The following RIC8B variants were observed in gnomAD, a reference collection of about 807,000 sequenced individuals.
The protein encoded by RIC8B is chaperone Ric-8B.
In RIC8B, 16 loss-of-function variants were observed where a neutral mutation model predicts 57.5. The observed-to-expected ratio is 0.28, with a 90% CI of 0.19 to 0.42. RIC8B has a LOEUF of 0.42. RIC8B is among the 10% of genes least tolerant of loss of function. The pLI is 1.00. For missense variants in RIC8B, 481 were observed against 677.0 expected, an observed-to-expected ratio of 0.71 and a Z score of 3.21; for synonymous variants, 216 against 250.8, an observed-to-expected ratio of 0.86 and a Z score of 1.31.
At chr12:106,781,208 C>A (rs552416697) in intron 1 of RIC8B, among the ~76,000 whole-genome samples, 6 of 152,108 alleles carry the variant, frequency 3.9e-5, no homozygotes, top group Non-Finnish European at 5.9e-5. Flanking sequence ...CCTCAGCCCC[C>A]CAAAGTGTTA....
intron 3 of RIC8B, among the ~76,000 whole-genome samples, chr12:106,818,206 G>T (rs1488166211): frequency 6.6e-6 from 1 of 150,890 alleles, no homozygotes; most frequent in African/African-American, 2.4e-5. Flanking sequence ...TTGCTCTGTC[G>T]CCCAGGCTGG....
chr12:106,850,224 T>A (rs1411946422), intron 6 of RIC8B, among the ~76,000 whole-genome samples: 2 of 152,188 alleles, frequency 1.3e-5, no homozygotes, highest in Non-Finnish European at 2.9e-5. Context: ...AAAATTATCT[T>A]CCATGAAACT....
intron 4 of RIC8B, among the ~76,000 whole-genome samples, chr12:106,839,455 C>T (rs774004710): frequency 3.3e-5 from 5 of 152,286 alleles, no homozygotes; most frequent in Non-Finnish European, 7.3e-5. Flanking sequence ...ACAAATACTC[C>T]ATGATCCCAC....
chr12:106,885,911 T>C lies in RIC8B; in HGVS notation c.1579T>C (p.Leu527=). 6 of 1,610,122 alleles carry C rather than the reference T, an allele frequency of 3.7e-6. No individual in the cohort carries two copies. The highest frequency in any genetic ancestry group is 5.1e-6 in the Non-Finnish European group (6 of 1,176,976). Residue 527 remains leucine (L), a synonymous_variant, in exon 10 of 10, where the codon TTG becomes CTG. Transcript: ENST00000392837. ...TTTTATCTCTTTTTCTAGAGAGGAGTTGCTTAAACCAATGGGACTAAAACC... is the reference window on the plus strand; with the variant it reads ...TTTTATCTCTTTTTCTAGAGAGGAGCTGCTTAAACCAATGGGACTAAAACC... The part of the protein sequence containing the change: ...NMLDKLSREE[L]LKPMGLKPDG...
chr12:106,874,355 T>C (rs1446610612), intron 9 of RIC8B: 10 of 730,788 alleles, frequency 1.4e-5, no homozygotes, highest in Non-Finnish European at 2.4e-5. Flanking sequence ...TCTGATTAAC[T>C]TTCCTTCTCA....
chr12:106,790,792 A>G (rs1461799527), intron 2 of RIC8B, among the ~76,000 whole-genome samples: 2 of 152,200 alleles, frequency 1.3e-5, no homozygotes, highest in East Asian at 1.9e-4. Flanking sequence ...GGAAAATTTC[A>G]GTTGTCTGAG....
intron 4 of RIC8B, among the ~76,000 whole-genome samples, chr12:106,837,890 C>T (rs2046689054): frequency 6.6e-6 from 1 of 150,398 alleles, no homozygotes; most frequent in Non-Finnish European, 1.5e-5. Context: ...GATCCACCCA[C>T]CTCAGCCTCC....
chr12:106,868,326 C>T (rs1041391800), intron 8 of RIC8B: 1 of 456,824 alleles, frequency 2.2e-6, no homozygotes, highest in South Asian at 1.5e-5. Flanking sequence ...GGAGAGAAGC[C>T]ATCTCTCAAG....
chr12:106,792,470 A>G lies in RIC8B; in HGVS notation c.132+8426A>G, dbSNP rs192161014. On this transcript the variant is annotated intron_variant, in intron 2 of 9. Transcript: ENST00000392837. ...TAGAGTTTCAGGTGCATTTTCTCATATAGAGATTTCATCAAGAAGTTCCGC... is the reference window on the plus strand; with the variant it reads ...TAGAGTTTCAGGTGCATTTTCTCATGTAGAGATTTCATCAAGAAGTTCCGC... 2.5e-3 allele frequency among the ~76,000 whole-genome samples: 382 copies of G among 152,318 alleles called. 1 individual carries two copies. The highest frequency in any genetic ancestry group is 8.4e-3 in the African/African-American group (349 of 41,564).
intron 2 of RIC8B, among the ~76,000 whole-genome samples, chr12:106,785,785 G>GTTTCTCTCTCTCTC (rs2043977986): frequency 9.6e-6 from 1 of 104,624 alleles, no homozygotes; most frequent in South Asian, 3.7e-4. Context: ...TGTATTCTAT[G>GTTTCTCTCTCTCTC]TCTCTCTCTC....
At chr12:106,815,552 T>C (rs1417769347) in intron 3 of RIC8B, among the ~76,000 whole-genome samples, 2 of 152,246 alleles carry the variant, frequency 1.3e-5, no homozygotes, top group African/African-American at 4.8e-5. Context: ...AAATATAGTT[T>C]TCTGAGTTGC....
intron 5 of RIC8B, 44 bp from the exon 6 acceptor site, chr12:106,843,808 C>A (rs746861355): frequency 1.3e-5 from 17 of 1,357,190 alleles, no homozygotes; most frequent in South Asian, 4.0e-5. Context: ...CTGTTAGAAA[C>A]AAAACTAACG....
At chr12:106,878,829 C>T (rs1319066924) in intron 9 of RIC8B, among the ~76,000 whole-genome samples, 2 of 151,854 alleles carry the variant, frequency 1.3e-5, no homozygotes, top group African/African-American at 4.8e-5. Context: ...CATGTTCCCC[C>T]CCCCTTTTCT....
intron 7 of RIC8B, among the ~76,000 whole-genome samples, chr12:106,853,810 A>G (rs1949596144): frequency 1.3e-5 from 2 of 152,048 alleles, no homozygotes; most frequent in South Asian, 4.1e-4. Context: ...AGTTTAGTAA[A>G]TGTATTCTTC....
chr12:106,820,065 C>A (rs1038886912), intron 3 of RIC8B, among the ~76,000 whole-genome samples: 6 of 152,132 alleles, frequency 3.9e-5, no homozygotes, highest in Admixed American at 6.5e-5. Flanking sequence ...CTTTTCAAAC[C>A]CTGGGCATTT....
chr12:106,840,283 C>T (rs1566116916), intron 4 of RIC8B, among the ~76,000 whole-genome samples: 1 of 152,106 alleles, frequency 6.6e-6, no homozygotes, highest in Non-Finnish European at 1.5e-5. Context: ...AGGCTTTAAT[C>T]AGGGCATTAA....
chr12:106,812,529 A>G (rs138305131), intron 2 of RIC8B, among the ~76,000 whole-genome samples: 42 of 150,834 alleles, frequency 2.8e-4, no homozygotes, highest in Non-Finnish European at 3.0e-5. Context: ...GATATGTAGA[A>G]CTCCAAGTTC....
chr12:106,797,893 G>T (rs2044554671), intron 2 of RIC8B: 4 of 497,716 alleles, frequency 8.0e-6, no homozygotes, highest in Middle Eastern at 4.5e-4. Context: ...AGACCCGTGT[G>T]CTACACCGTA....
intron 2 of RIC8B, among the ~76,000 whole-genome samples, chr12:106,793,554 G>A (rs1377186074): frequency 6.6e-6 from 1 of 152,182 alleles, no homozygotes; most frequent in African/African-American, 2.4e-5. Flanking sequence ...TAGCTGGGAG[G>A]AACTATCCCT....
Sources: allele counts gnomAD v4.1 joint callset (sites outside exome capture counted in the v4.1 genomes callset), GRCh38; gene constraint gnomAD v4.1.1; transcripts MANE v1.5; gene names NCBI Gene and HGNC (gene_info 2026-07-23, HGNC 2026-07-21).